The following RELCH variants were observed in gnomAD, a reference collection of about 807,000 sequenced individuals.
The protein encoded by RELCH is RAB11-binding protein RELCH.
RELCH carries 41 observed loss-of-function variants against 150.3 expected under a neutral mutation model. The observed-to-expected ratio is 0.27, with a 90% CI of 0.21 to 0.35. The LOEUF (loss-of-function observed/expected upper bound fraction) is 0.35. RELCH is among the 10% of genes least tolerant of loss of function. The pLI, the probability that RELCH is intolerant of heterozygous loss-of-function variation, is 1.00. For synonymous variants in RELCH, 478 were observed against 531.8 expected, an observed-to-expected ratio of 0.90 and a Z score of 1.39; for missense variants, 1,092 against 1,467.8, an observed-to-expected ratio of 0.74 and a Z score of 4.18.
chr18:62,302,383 A>G (rs968479057), intron 28 of RELCH, among the ~76,000 whole-genome samples: 2 of 152,214 alleles, frequency 1.3e-5, no homozygotes, highest in Admixed American at 6.5e-5. Flanking sequence ...TCACTTGAAA[A>G]GGGGGCTCTG....
chr18:62,211,787 A>G (rs920084161), intron 2 of RELCH, among the ~76,000 whole-genome samples: 20 of 152,068 alleles, frequency 1.3e-4, no homozygotes, highest in African/African-American at 4.8e-4. Flanking sequence ...ATAAGCAAAT[A>G]AATAAATAAA....
At chr18:62,209,864 G>A (rs2148301520) in intron 1 of RELCH, among the ~76,000 whole-genome samples, 1 of 152,082 alleles carries the variant, frequency 6.6e-6, no homozygotes, top group South Asian at 2.1e-4. Context: ...AAATTTTTTT[G>A]ATGTGTTTGG....
chr18:62,305,549 C>A lies in RELCH; in HGVS notation c.*15C>A. Reference sequence around the variant, plus strand: ...GAAAGAAGTAGAAGCAGGAAAGAAGCCCCCAGTAAACACTAAGATGGACCT... The same window carrying A: ...GAAAGAAGTAGAAGCAGGAAAGAAGACCCCAGTAAACACTAAGATGGACCT... On this transcript the variant is annotated 3_prime_UTR_variant, in exon 29 of 29. Coordinates refer to ENST00000644646, the MANE Select transcript of RELCH (RefSeq NM_001346231.2). The surrounding 1 kb of genome is among the most constrained non-coding windows in gnomAD (Gnocchi z 4.0). The A allele has an allele frequency of 6.2e-7, 1 of 1,600,304 alleles. No homozygotes were observed. The highest frequency in any genetic ancestry group is 8.5e-7 in the Non-Finnish European group (1 of 1,174,186).
At chr18:62,255,509 T>G (rs2042951634) in intron 13 of RELCH, 31 bp downstream of exon 13, 1 of 1,501,350 alleles carries the variant, frequency 6.7e-7, no homozygotes. Flanking sequence ...TTCTTTAAAC[T>G]ATTTTTCCAA....
intron 20 of RELCH, among the ~76,000 whole-genome samples, chr18:62,269,732 A>T (rs2043788582): frequency 6.6e-6 from 1 of 152,178 alleles, no homozygotes; most frequent in Admixed American, 6.5e-5. Context: ...AGAAAATATG[A>T]CATATCATCA....
At chr18:62,205,628 G>C (rs1414122852) in intron 1 of RELCH, among the ~76,000 whole-genome samples, 1 of 152,198 alleles carries the variant, frequency 6.6e-6, no homozygotes, top group Non-Finnish European at 1.5e-5. Context: ...TGTGGTTACT[G>C]TATTTGGTAT....
chr18:62,262,885 G>A (rs1391686364), intron 16 of RELCH, among the ~76,000 whole-genome samples: 1 of 53,254 alleles, frequency 1.9e-5, no homozygotes, highest in African/African-American at 1.1e-4. Context: ...GGTGTTGGCA[G>A]GGTAGTCTTA....
rs1206899711 is a variant in RELCH at position 62,309,274 on chromosome 18, AAAT to A, written c.*3744_*3746del. 1 of 152,108 alleles carries A rather than the reference AAAT, an allele frequency of 6.6e-6. No individual in the cohort carries two copies. The highest frequency in any genetic ancestry group is 1.9e-4 in the East Asian group (1 of 5,192). 9.4% of individuals were successfully genotyped at this position (152,108 alleles called of 1,614,324 possible). A position where few individuals can be genotyped will look rare whatever the true frequency, so the allele number is the denominator to read the frequency against. The stretch of plus-strand genomic sequence containing the variant: ...ATAATAGAGACAAACTACTAATCAA[AAAT>A]AATGTATCAGGTAAGTTTCTGCATA... On this transcript the variant is annotated 3_prime_UTR_variant, in exon 29 of 29. Transcript: ENST00000644646.
intron 5 of RELCH, among the ~76,000 whole-genome samples, chr18:62,225,180 A>G (rs1269978553): frequency 6.6e-6 from 1 of 151,966 alleles, no homozygotes; most frequent in Non-Finnish European, 1.5e-5. Flanking sequence ...ACCATACCAT[A>G]TACAAAAATT....
intron 19 of RELCH, 41 bp downstream of exon 19, chr18:62,266,790 C>G: frequency 8.3e-7 from 1 of 1,202,476 alleles, no homozygotes; most frequent in Non-Finnish European, 1.2e-6. Flanking sequence ...AATTGCATTT[C>G]TTTATGCAGG....
chr18:62,289,472 G>A (rs2045000066), intron 26 of RELCH, among the ~76,000 whole-genome samples: 1 of 152,136 alleles, frequency 6.6e-6, no homozygotes, highest in Non-Finnish European at 1.5e-5. Flanking sequence ...AAGTTTGAAG[G>A]AATTTAGGAA....
At chr18:62,228,953 G>T (rs1371218583) in intron 8 of RELCH, among the ~76,000 whole-genome samples, 1 of 151,946 alleles carries the variant, frequency 6.6e-6, no homozygotes, top group East Asian at 1.9e-4. Context: ...TTTTGATGCT[G>T]CGTAGTTGCC....
intron 8 of RELCH, 57 bp from the exon 9 acceptor site, chr18:62,231,137 C>T (rs17069637): frequency 0.016 from 18,637 of 1,161,052 alleles, 628 homozygotes; most frequent in East Asian, 0.13. Flanking sequence ...TAAATTTCTC[C>T]TTAAATGTCA....
chr18:62,252,736 A>G lies in RELCH; in HGVS notation c.1806A>G (p.Leu602=), dbSNP rs931422067. The part of the protein sequence containing the change: ...VGPTRVEAEL[L]PQCWEQINHK... Reference sequence around the variant, plus strand: ...CAACACGTGTAGAAGCTGAACTTTTACCACAGTGTTGGGAACAGGTAAATA... The same window carrying G: ...CAACACGTGTAGAAGCTGAACTTTTGCCACAGTGTTGGGAACAGGTAAATA... The change falls in exon 12 of 29, where the codon TTA becomes TTG. Residue 602 remains leucine, a synonymous_variant. Coordinates refer to ENST00000644646, the MANE Select transcript of RELCH (RefSeq NM_001346231.2). The G allele has an allele frequency of 1.9e-5, 31 of 1,613,418 alleles. No homozygotes were observed. Among genetic ancestry groups the G allele is most frequent in the Admixed American group, 1.3e-4 (8 of 60,000 alleles).
chr18:62,269,835 G>T (rs1285088778), intron 20 of RELCH, among the ~76,000 whole-genome samples: 1 of 152,142 alleles, frequency 6.6e-6, no homozygotes, highest in Non-Finnish European at 1.5e-5. Context: ...CACAGCAAAT[G>T]ATGACAGGCT....
chr18:62,279,066 A>T (rs2044364746), intron 22 of RELCH, among the ~76,000 whole-genome samples: 1 of 152,196 alleles, frequency 6.6e-6, no homozygotes, highest in Non-Finnish European at 1.5e-5. Context: ...CAGCCCTTTG[A>T]GGTAGATAAT....
intron 27 of RELCH, among the ~76,000 whole-genome samples, chr18:62,294,872 T>G (rs1454128582): frequency 6.6e-6 from 1 of 152,240 alleles, no homozygotes; most frequent in African/African-American, 2.4e-5. Flanking sequence ...TTTGAACCGT[T>G]CATCCTTTTT....
At chr18:62,262,587 G>A (rs2043329677) in intron 16 of RELCH, among the ~76,000 whole-genome samples, 1 of 151,990 alleles carries the variant, frequency 6.6e-6, no homozygotes, top group Non-Finnish European at 1.5e-5. Flanking sequence ...AGAATGAATG[G>A]TGTGGAGTTA....
intron 8 of RELCH, 117 bp from the exon 9 acceptor site, chr18:62,231,077 A>G: frequency 7.7e-6 from 5 of 648,092 alleles, no homozygotes; most frequent in Non-Finnish European, 1.0e-5. Context: ...AAATCTGGTT[A>G]GCTTTGTGGG....
Sources: gnomAD v4.1 joint callset for allele counts (sites outside exome capture counted in the v4.1 genomes callset) on GRCh38, gnomAD v4.1.1 for gene constraint, Gnocchi (gnomAD v3.1) non-coding constraint, MANE v1.5 for transcripts, NCBI Gene and HGNC (gene_info 2026-07-23, HGNC 2026-07-21) for gene names.